NSD3: variants seen among roughly 807,000 people sequenced by gnomAD.
NSD3 encodes the protein nuclear receptor binding SET domain protein 3.
In NSD3, 24 loss-of-function variants were observed where a neutral mutation model predicts 160.8. The observed-to-expected ratio is 0.15, with a 90% CI of 0.11 to 0.21. The LOEUF (loss-of-function observed/expected upper bound fraction) is 0.21, where lower values mean the gene tolerates loss of function less well. Among genes scored for constraint, NSD3 ranks in the 10% least tolerant of loss-of-function variants. The pLI, the probability that NSD3 is intolerant of heterozygous loss-of-function variation, is 1.00. For missense variants in NSD3, 1,157 were observed against 1,735.9 expected (o/e 0.67, Z 5.93); for synonymous variants, 520 against 600.0 (o/e 0.87, Z 1.95).
At chr8:38,310,380 T>C (rs1418358294) in intron 12 of NSD3, among the ~76,000 whole-genome samples, 9 of 150,036 alleles carry the variant, frequency 6.0e-5, no homozygotes, top group Admixed American at 1.3e-4. Context: ...GGTTGAATAA[T>C]ATTCCATTGT....
chr8:38,324,308 C>T (rs1014965892), intron 7 of NSD3, among the ~76,000 whole-genome samples: 3 of 152,196 alleles, frequency 2.0e-5, no homozygotes, highest in Non-Finnish European at 2.9e-5. Context: ...CCCCATCCAA[C>T]ATGTGCTGCA....
rs138878163 is a variant in NSD3, at chr8:38,290,721, C to A, written c.2916-44G>T. The A allele has an allele frequency of 3.0e-5, 48 of 1,587,996 alleles. No individual in the cohort carries two copies. The Admixed American group carries it at 3.4e-4, about 11-fold the overall frequency. On this transcript the variant is annotated intron_variant, in intron 16 of 23. Transcript: ENST00000317025. ...TTAGATCAAGAGGGCAAAAACGAAA[C>A]AAAAAACCACTATTTACAAGATTGG...
At chr8:38,379,923 T>C (rs1585941772) in intron 1 of NSD3, among the ~76,000 whole-genome samples, 1 of 152,240 alleles carries the variant, frequency 6.6e-6, no homozygotes, top group Non-Finnish European at 1.5e-5. Context: ...TGTCAGGATT[T>C]AAACCTTAGA....
In NSD3 at chr8:38,273,799, C is replaced by G. The variant is rs978282770; in HGVS notation, c.*1842G>C. The G allele has an allele frequency of 6.6e-6, 1 of 152,040 alleles. No homozygotes were observed. Among genetic ancestry groups the G allele is most frequent in the Non-Finnish European group, 1.5e-5 (1 of 68,008 alleles). 9.4% of individuals were successfully genotyped at this position (152,040 alleles called of 1,614,324 possible). On this transcript the variant is annotated 3_prime_UTR_variant, in exon 24 of 24. Transcript: ENST00000317025. ...TTCCATTTTGCTCTTTCTTTTGGGACCATATCTAATCAACAGAAGTACTGG... is the reference window on the plus strand; with the variant it reads ...TTCCATTTTGCTCTTTCTTTTGGGAGCATATCTAATCAACAGAAGTACTGG...
chr8:38,275,945 C>T, intron 23 of NSD3, 63 bp from the exon 24 acceptor site: 13 of 1,421,784 alleles, frequency 9.1e-6, no homozygotes, highest in Non-Finnish European at 1.2e-5. Context: ...TCTTGATTAC[C>T]CATGAAAAAC....
At chr8:38,378,771 C>T (rs977884684) in intron 1 of NSD3, among the ~76,000 whole-genome samples, 9 of 150,082 alleles carry the variant, frequency 6.0e-5, no homozygotes, top group African/African-American at 1.7e-4. Context: ...TGTATTGAAC[C>T]GAGATCGCAC....
chr8:38,321,214 G>T lies in NSD3; in HGVS notation c.1709-42C>A, dbSNP rs1370526034. ...ACACACAAACAAAAACTCACTTAAG[G>T]ATACCTTGACATCTATGTAATTAAG... On this transcript the variant is annotated intron_variant, in intron 7 of 23. Transcript: ENST00000317025. The surrounding 1 kb of genome is among the most constrained non-coding windows in gnomAD (Gnocchi z 4.7). The T allele has an allele frequency of 1.3e-6, 2 of 1,532,730 alleles. No individual in the cohort carries two copies. The highest frequency in any genetic ancestry group is 8.9e-7 in the Non-Finnish European group (1 of 1,120,636). 94.9% of individuals were successfully genotyped at this position (1,532,730 alleles called of 1,614,324 possible).
At chr8:38,334,449 C>A (rs1025478068) in intron 4 of NSD3, among the ~76,000 whole-genome samples, 1 of 152,164 alleles carries the variant, frequency 6.6e-6, no homozygotes. Flanking sequence ...AATCAATGAA[C>A]TGTACATTTT....
At position 38,321,216 on chromosome 8, in the gene NSD3, T is replaced by A; in HGVS notation, c.1709-44A>T. On this transcript the variant is annotated intron_variant, in intron 7 of 23. Coordinates refer to ENST00000317025, the MANE Select transcript of NSD3 (RefSeq NM_023034.2). This position sits in a 1 kb window ranked among gnomAD's most constrained non-coding sequence, Gnocchi z 4.7. ...ACACAAACAAAAACTCACTTAAGGA[T>A]ACCTTGACATCTATGTAATTAAGAT... 6.6e-7 allele frequency: 1 copy of A among 1,504,456 alleles called. No homozygotes were observed. The highest frequency in any genetic ancestry group is 1.2e-5 in the South Asian group (1 of 85,524). 93.2% of individuals were successfully genotyped at this position (1,504,456 alleles called of 1,614,324 possible). A position where few individuals can be genotyped will look rare whatever the true frequency, so the allele number is the denominator to read the frequency against.
rs764548951 is a variant in NSD3 at position 38,315,939 on chromosome 8, G to T, written c.1959C>A (p.Ser653=). Reference sequence around the variant, plus strand: ...GCAGGTCACTCAGTCCTCTAGAATCGGAGTCAGATGTGTCTCTGTATGCTG... The same window carrying T: ...GCAGGTCACTCAGTCCTCTAGAATCTGAGTCAGATGTGTCTCTGTATGCTG... The part of the protein sequence containing the change: ...TSSAYRDTSD[S]DSRGLSDLQV... Residue 653 remains serine (S), a synonymous_variant, in exon 10 of 24, where the codon TCC becomes TCA. Transcript: ENST00000317025. 10 of 1,613,534 alleles carry T rather than the reference G, an allele frequency of 6.2e-6. No homozygotes were observed. The highest frequency in any genetic ancestry group is 2.2e-5 in the East Asian group (1 of 44,864).
intron 1 of NSD3, among the ~76,000 whole-genome samples, chr8:38,373,924 T>C (rs544849589): frequency 2.9e-4 from 35 of 119,402 alleles, no homozygotes; most frequent in Middle Eastern, 5.4e-3. Flanking sequence ...TTGGCAAAAC[T>C]CTGTCTCTAC....
At chr8:38,371,839 C>A (rs1328184343) in intron 1 of NSD3, among the ~76,000 whole-genome samples, 3 of 152,168 alleles carry the variant, frequency 2.0e-5, no homozygotes, top group Non-Finnish European at 2.9e-5. Context: ...TCAGCAGGTA[C>A]TCAGTGGGAA....
rs1344999955 is a variant in NSD3 at position 38,290,857 on chromosome 8, A to T, written c.2916-180T>A. On this transcript the variant is annotated intron_variant, in intron 16 of 23. Coordinates refer to ENST00000317025, the MANE Select transcript of NSD3 (RefSeq NM_023034.2). ...TAATGAAATAGTGAACACAGACTAA[A>T]CAAATTAGGCCCTAAACACCTGATC... 1.1e-5 allele frequency: 6 copies of T among 551,926 alleles called. No individual in the cohort carries two copies. In the East Asian group the frequency reaches 1.8e-4, roughly 16 times the overall value. 34.2% of individuals were successfully genotyped at this position (551,926 alleles called of 1,614,324 possible).
Position 38,270,618 on chromosome 8 carries a change from T to C in NSD3, c.*5023A>G, listed in dbSNP as rs1808424890. Reference sequence around the variant, plus strand: ...AGAATACCTTATTCAATACCTTATATAGGTCATCTGACAGATACTTGAGGG... The same window carrying C: ...AGAATACCTTATTCAATACCTTATACAGGTCATCTGACAGATACTTGAGGG... On this transcript the variant is annotated 3_prime_UTR_variant, in exon 24 of 24. Transcript: ENST00000317025. 1 of 152,208 alleles carries C rather than the reference T, an allele frequency of 6.6e-6. No individual in the cohort carries two copies. Among genetic ancestry groups the C allele is most frequent in the Non-Finnish European group, 1.5e-5 (1 of 68,030 alleles). The allele number at this position is 152,208 out of a possible 1,614,324, so 9.4% of individuals were successfully genotyped here.
At chr8:38,276,260 A>G in intron 23 of NSD3, 36 bp downstream of exon 23, 1 of 1,605,254 alleles carries the variant, frequency 6.2e-7, no homozygotes, top group South Asian at 1.1e-5. Context: ...TGGCAAAGAC[A>G]CAAATTAGGG....
At chr8:38,290,754 GA>G (rs530704664) in intron 16 of NSD3, 77 bp from the exon 17 acceptor site, 14 of 1,493,680 alleles carry the variant, frequency 9.4e-6, no homozygotes, top group Admixed American at 8.7e-5. Flanking sequence ...TGGCAGAAGG[GA>G]AAAAAGTTTT....
intron 12 of NSD3, among the ~76,000 whole-genome samples, chr8:38,310,869 T>C (rs914797773): frequency 6.6e-6 from 1 of 152,086 alleles, no homozygotes; most frequent in Non-Finnish European, 1.5e-5. Flanking sequence ...CCATTTGTTA[T>C]TCTGTTTAAT....
In NSD3 at chr8:38,321,357, C is replaced by G. The variant is rs973378994; in HGVS notation, c.1709-185G>C. On this transcript the variant is annotated intron_variant, in intron 7 of 23. Coordinates refer to ENST00000317025, the MANE Select transcript of NSD3 (RefSeq NM_023034.2). The surrounding 1 kb of genome is among the most constrained non-coding windows in gnomAD (Gnocchi z 4.7). The stretch of plus-strand genomic sequence containing the variant: ...TATTTAACAGATCAAATTGTAAAGG[C>G]TGATAAGCTGAGACTGGGATTCACA... Among the ~76,000 whole-genome samples, 12 of 152,252 alleles carry G rather than the reference C, an allele frequency of 7.9e-5. No homozygotes were observed. The highest frequency in any genetic ancestry group is 1.9e-4 in the East Asian group (1 of 5,184).
chr8:38,351,070 C>A (rs569522106), intron 1 of NSD3, among the ~76,000 whole-genome samples: 8 of 150,098 alleles, frequency 5.3e-5, no homozygotes, highest in Non-Finnish European at 1.0e-4. Flanking sequence ...CTCCCAGGTT[C>A]ACGCCATTCT....
Sources: gnomAD v4.1 joint callset for allele counts (sites outside exome capture counted in the v4.1 genomes callset) on GRCh38, gnomAD v4.1.1 for gene constraint, Gnocchi (gnomAD v3.1) non-coding constraint, MANE v1.5 for transcripts, NCBI Gene and HGNC (gene_info 2026-07-23, HGNC 2026-07-21) for gene names.